KLF7: variants seen among roughly 807,000 people sequenced by gnomAD.
The protein encoded by KLF7 is Krueppel-like factor 7.
Under a neutral mutation model 27.3 loss-of-function variants are expected in KLF7, and 2 were observed. That is an observed-to-expected ratio of 0.07 (90% CI 0.03 to 0.23). KLF7 has a LOEUF of 0.23. KLF7 is among the 10% of genes least tolerant of loss of function. The pLI is 1.00. For missense variants in KLF7, 221 were observed against 394.1 expected, an observed-to-expected ratio of 0.56 and a Z score of 3.72; for synonymous variants, 165 against 162.4, an observed-to-expected ratio of 1.02 and a Z score of -0.12.
intron 1 of KLF7, chr2:207,133,931 G>T: frequency 3.7e-6 from 2 of 547,008 alleles, no homozygotes; most frequent in Non-Finnish European, 6.0e-6. Flanking sequence ...GAAAAACACA[G>T]TAACAGGGAA....
At chr2:207,154,420 A>C (rs17218383) in intron 1 of KLF7, among the ~76,000 whole-genome samples, 2,289 of 152,344 alleles carry the variant, frequency 0.015, 29 homozygotes, top group Non-Finnish European at 0.025. Flanking sequence ...AATTCCAAGG[A>C]TGTCAAACTA....
rs1335691074 is a variant in KLF7, at chr2:207,075,263, C to T, written c.*5950G>A. ...TTCATTAATAATTTTGTAACATTAA[C>T]ATACCACCATCATATAATACAAATA... On this transcript the variant is annotated 3_prime_UTR_variant, in exon 4 of 4. Coordinates refer to ENST00000309446, the MANE Select transcript of KLF7 (RefSeq NM_003709.4). 4 of 151,392 alleles carry T rather than the reference C, an allele frequency of 2.6e-5. No individual in the cohort carries two copies. The highest frequency in any genetic ancestry group is 7.3e-5 in the African/African-American group (3 of 41,276). 9.4% of individuals were successfully genotyped at this position (151,392 alleles called of 1,614,324 possible). A position where few individuals can be genotyped will look rare whatever the true frequency, so the allele number is the denominator to read the frequency against.
chr2:207,081,061 A>ATGTGTGTGTGTGTGTATATGTG lies in KLF7; in HGVS notation c.*151_*152insCACATATACACACACACACACA. 1.5e-6 allele frequency: 1 copy of ATGTGTGTGTGTGTGTATATGTG among 670,630 alleles called. No individual in the cohort carries two copies. Among genetic ancestry groups the ATGTGTGTGTGTGTGTATATGTG allele is most frequent in the Non-Finnish European group, 2.7e-6 (1 of 372,028 alleles). The allele number at this position is 670,630 out of a possible 1,614,324, so 41.5% of individuals were successfully genotyped here. On this transcript the variant is annotated 3_prime_UTR_variant, in exon 4 of 4. Coordinates refer to ENST00000309446, the MANE Select transcript of KLF7 (RefSeq NM_003709.4). ...TGTGTGGGTCTGTGAGTGTGTGTAT[A>ATGTGTGTGTGTGTGTATATGTG]TGTGTGTGTGTGTGTGTGTGTGTAC...
intron 2 of KLF7, among the ~76,000 whole-genome samples, chr2:207,091,755 T>C (rs1423806312): frequency 1.3e-5 from 2 of 152,144 alleles, no homozygotes; most frequent in African/African-American, 2.4e-5. Flanking sequence ...CCCACCTCTA[T>C]AAACCAATTC....
intron 1 of KLF7, among the ~76,000 whole-genome samples, chr2:207,134,675 C>T (rs1014422763): frequency 6.6e-6 from 1 of 152,046 alleles, no homozygotes; most frequent in Non-Finnish European, 1.5e-5. Context: ...CCACTCACTC[C>T]AATTAAAGAA....
At chr2:207,118,894 G>A (rs1013821902) in intron 2 of KLF7, among the ~76,000 whole-genome samples, 1 of 152,114 alleles carries the variant, frequency 6.6e-6, no homozygotes, top group East Asian at 1.9e-4. Context: ...CTTTTTGTTT[G>A]TAGTATTTTT....
intron 1 of KLF7, among the ~76,000 whole-genome samples, chr2:207,147,568 T>G (rs2078128564): frequency 6.6e-6 from 1 of 152,136 alleles, no homozygotes; most frequent in Non-Finnish European, 1.5e-5. Context: ...AGGCCCCAGG[T>G]GCAGAGTGGC....
chr2:207,103,300 C>G (rs1277181328), intron 2 of KLF7, among the ~76,000 whole-genome samples: 10 of 152,138 alleles, frequency 6.6e-5, no homozygotes, highest in Admixed American at 6.5e-4. Context: ...AAACTAGATT[C>G]CTGGAAAGCA....
upstream of KLF7, among the ~76,000 whole-genome samples, chr2:207,171,733 T>A (rs905828510): frequency 2.0e-5 from 3 of 152,240 alleles, no homozygotes; most frequent in African/African-American, 7.2e-5. Context: ...TACATTGTTT[T>A]TTCTTAGACA....
intron 1 of KLF7, among the ~76,000 whole-genome samples, chr2:207,159,290 C>A (rs980398846): frequency 6.6e-6 from 1 of 152,152 alleles, no homozygotes; most frequent in Non-Finnish European, 1.5e-5. Flanking sequence ...AGTATCCAGC[C>A]CACAACATGA....
At chr2:207,125,825 G>A (rs982329370) in intron 1 of KLF7, among the ~76,000 whole-genome samples, 1 of 152,196 alleles carries the variant, frequency 6.6e-6, no homozygotes, top group African/African-American at 2.4e-5. Flanking sequence ...TTTGTATGTG[G>A]TAGATGGAGA....
chr2:207,126,988 G>T (rs1239817180), intron 1 of KLF7, among the ~76,000 whole-genome samples: 1 of 152,110 alleles, frequency 6.6e-6, no homozygotes, highest in Non-Finnish European at 1.5e-5. Flanking sequence ...AAGATATTGT[G>T]ATTATTAGAA....
chr2:207,094,408 T>C (rs576427872), intron 2 of KLF7, among the ~76,000 whole-genome samples: 4 of 152,328 alleles, frequency 2.6e-5, no homozygotes, highest in South Asian at 2.1e-4. Flanking sequence ...AAGGTCCTAG[T>C]CTCTTGAGGA....
intron 2 of KLF7, among the ~76,000 whole-genome samples, chr2:207,115,694 G>C (rs1428604119): frequency 6.6e-6 from 1 of 152,158 alleles, no homozygotes; most frequent in Non-Finnish European, 1.5e-5. Context: ...GATGGTGCTG[G>C]AGTAAAGTGG....
At chr2:207,083,051 C>T (rs1288067162) in intron 3 of KLF7, among the ~76,000 whole-genome samples, 1 of 152,196 alleles carries the variant, frequency 6.6e-6, no homozygotes, top group African/African-American at 2.4e-5. Flanking sequence ...TCCAATTATA[C>T]CCACTTACTT....
upstream of KLF7, among the ~76,000 whole-genome samples, chr2:207,172,135 G>C (rs937654590): frequency 6.6e-6 from 1 of 152,048 alleles, no homozygotes; most frequent in African/African-American, 2.4e-5. Flanking sequence ...TTTCTCTCCT[G>C]AAACAGATCA....
At chr2:207,160,588 ATTC>A (rs148803742) in intron 1 of KLF7, among the ~76,000 whole-genome samples, 63,262 of 151,900 alleles carry the variant, frequency 0.42, 13,981 homozygotes, top group East Asian at 0.72. Flanking sequence ...AGGAAATTGT[ATTC>A]TTCTTTCCTC....
chr2:207,151,607 AT>A (rs2078249910), intron 1 of KLF7, among the ~76,000 whole-genome samples: 1 of 152,188 alleles, frequency 6.6e-6, no homozygotes, highest in South Asian at 2.1e-4. Context: ...CTATGACCAC[AT>A]AATGTCTGCC....
chr2:207,166,053 A>G, upstream of KLF7: 5 of 311,532 alleles, frequency 1.6e-5, no homozygotes, highest in Non-Finnish European at 1.9e-5. Context: ...CCCCCACCCC[A>G]TCCTTGCTAG....
Sources: allele counts gnomAD v4.1 joint callset (sites outside exome capture counted in the v4.1 genomes callset), GRCh38; gene constraint gnomAD v4.1.1; transcripts MANE v1.5; gene names NCBI Gene and HGNC (gene_info 2026-07-23, HGNC 2026-07-21).